USP47: variants seen among roughly 807,000 people sequenced by gnomAD.
The protein encoded by USP47 is ubiquitin specific peptidase 47, also known as ubiquitin carboxyl-terminal hydrolase 47.
Under a neutral mutation model 165.1 loss-of-function variants are expected in USP47, and 35 were observed. That is an observed-to-expected ratio of 0.21 (90% CI 0.16 to 0.28). USP47 has a LOEUF of 0.28. Among genes scored for constraint, USP47 ranks in the 10% least tolerant of loss-of-function variants. The probability of loss-of-function intolerance (pLI) is 1.00; values close to 1 mark genes in which losing one functional copy is unlikely to be tolerated. For synonymous variants in USP47, 531 were observed against 544.5 expected, an observed-to-expected ratio of 0.98 and a Z score of 0.35; for missense variants, 1,277 against 1,607.4, an observed-to-expected ratio of 0.79 and a Z score of 3.52.
At chr11:11,909,851 G>C (rs75291322) in intron 8 of USP47, among the ~76,000 whole-genome samples, 1 of 152,144 alleles carries the variant, frequency 6.6e-6, no homozygotes, top group African/African-American at 2.4e-5. Flanking sequence ...TGTGAAATTA[G>C]TAAGTGTGAA....
intron 18 of USP47, among the ~76,000 whole-genome samples, chr11:11,939,826 T>C (rs1855342189): frequency 6.6e-6 from 1 of 152,048 alleles, no homozygotes; most frequent in Non-Finnish European, 1.5e-5. Context: ...ATTAGGTATT[T>C]ATAACTGATG....
Position 11,843,217 on chromosome 11 carries a change from T to G in USP47, c.39+993T>G, listed in dbSNP as rs372258276. 2.0e-4 allele frequency among the ~76,000 whole-genome samples: 31 copies of G among 152,342 alleles called. No individual in the cohort carries two copies. The East Asian group carries it at 5.0e-3, about 25-fold the overall frequency. ...ATTTTTTTGTGCCTGTTTTACTTGT[T>G]TTGTAGCAATTCTTTGTTACTTAAG... is the stretch of plus-strand genomic sequence containing the variant. On this transcript the variant is annotated intron_variant, in intron 1 of 27. Coordinates refer to ENST00000527733, the MANE Select transcript of USP47 (RefSeq NM_001282659.2).
chr11:11,920,310 G>C, intron 9 of USP47, 32 bp from the exon 10 acceptor site: 4 of 1,606,798 alleles, frequency 2.5e-6, no homozygotes, highest in Non-Finnish European at 3.4e-6. Flanking sequence ...ATATTCAATA[G>C]ACTCTCCCCC....
chr11:11,849,402 T>C (rs1244069511), intron 1 of USP47, among the ~76,000 whole-genome samples: 2 of 152,168 alleles, frequency 1.3e-5, no homozygotes, highest in African/African-American at 2.4e-5. Context: ...TGCGGGTGTG[T>C]GCTACTGACA....
intron 10 of USP47, among the ~76,000 whole-genome samples, chr11:11,922,208 A>T (rs1444787372): frequency 6.6e-6 from 1 of 151,984 alleles, no homozygotes; most frequent in African/African-American, 2.4e-5. Flanking sequence ...TGTAACCATT[A>T]TATTTCTACT....
intron 2 of USP47, among the ~76,000 whole-genome samples, chr11:11,883,739 T>C (rs1850980773): frequency 6.6e-6 from 1 of 152,130 alleles, no homozygotes; most frequent in Non-Finnish European, 1.5e-5. Flanking sequence ...ATCCACCAGC[T>C]AGAGTATATT....
intron 6 of USP47, 101 bp downstream of exon 6, chr11:11,902,961 C>T: frequency 2.4e-6 from 3 of 1,246,496 alleles, no homozygotes; most frequent in Non-Finnish European, 3.2e-6. Flanking sequence ...TTATCTTAAA[C>T]CTTTCATTGC....
chr11:11,913,274 A>C (rs1853147800), intron 8 of USP47, among the ~76,000 whole-genome samples: 1 of 150,986 alleles, frequency 6.6e-6, no homozygotes, highest in African/African-American at 2.4e-5. Context: ...AAAAAAAAAA[A>C]AAACAACACC....
At chr11:11,892,358 CTTTT>C (rs1026050800) in intron 4 of USP47, among the ~76,000 whole-genome samples, 22 of 142,584 alleles carry the variant, frequency 1.5e-4, no homozygotes, top group African/African-American at 5.8e-4. Context: ...TTAAGGAAGA[CTTTT>C]CTTTTCTTTT....
intron 17 of USP47, 47 bp downstream of exon 17, chr11:11,936,557 C>T: frequency 2.1e-6 from 3 of 1,402,902 alleles, no homozygotes; most frequent in Non-Finnish European, 1.9e-6. Context: ...TTAGAATTTT[C>T]ATGAGAAAGT....
chr11:11,912,895 CA>C (rs1853104723), intron 8 of USP47, among the ~76,000 whole-genome samples: 1 of 151,556 alleles, frequency 6.6e-6, no homozygotes, highest in Non-Finnish European at 1.5e-5. Context: ...ATTAACGAGC[CA>C]AAAAAGAAAA....
intron 15 of USP47, 71 bp downstream of exon 15, chr11:11,933,187 C>T: frequency 8.4e-7 from 1 of 1,187,700 alleles, no homozygotes; most frequent in Non-Finnish European, 1.2e-6. Flanking sequence ...ATTCTAATGA[C>T]TAACTCATTG....
intron 17 of USP47, 141 bp from the exon 18 acceptor site, chr11:11,938,116 A>T (rs1040384541): frequency 3.1e-6 from 2 of 637,830 alleles, no homozygotes; most frequent in Non-Finnish European, 5.3e-6. Context: ...CTGGTGATTT[A>T]TATTTATTCA....
intron 6 of USP47, among the ~76,000 whole-genome samples, 166 bp from the exon 7 acceptor site, chr11:11,903,097 G>A (rs550339688): frequency 1.8e-4 from 28 of 152,168 alleles, no homozygotes; most frequent in Middle Eastern, 6.8e-3. Context: ...ATTTTCTGGC[G>A]TGTGATTTCC....
intron 1 of USP47, among the ~76,000 whole-genome samples, chr11:11,876,027 A>C (rs1850394467): frequency 6.6e-6 from 1 of 152,216 alleles, no homozygotes; most frequent in Non-Finnish European, 1.5e-5. Context: ...ACTGCTGTTG[A>C]CTTTCCCCTT....
intron 16 of USP47, among the ~76,000 whole-genome samples, chr11:11,936,034 A>G (rs939549780): frequency 6.6e-6 from 1 of 151,874 alleles, no homozygotes; most frequent in African/African-American, 2.4e-5. Context: ...CCTAAAGTTT[A>G]TGATGTTAAC....
At chr11:11,895,079 A>C (rs1293029055) in intron 4 of USP47, among the ~76,000 whole-genome samples, 1 of 152,168 alleles carries the variant, frequency 6.6e-6, no homozygotes, top group Non-Finnish European at 1.5e-5. Context: ...TCAGATATTT[A>C]AATTGTAATT....
intron 4 of USP47, among the ~76,000 whole-genome samples, chr11:11,893,266 G>A (rs1444704584): frequency 1.3e-5 from 2 of 152,018 alleles, no homozygotes; most frequent in East Asian, 3.9e-4. Context: ...AAATGAAAAC[G>A]GGTTCAGAGA....
rs71037046 is a variant in USP47, at chr11:11,871,501, C to CAAAAAAAA, written c.40-8646_40-8639dup. Among the ~76,000 whole-genome samples the CAAAAAAAA allele has an allele frequency of 1.6e-3, 100 of 63,144 alleles. 10 individuals carry two copies. The highest frequency in any genetic ancestry group is 2.7e-3 in the Non-Finnish European group (81 of 29,780). 41.4% of individuals were successfully genotyped at this position (63,144 alleles called of 152,430 possible). ...CTGGCAACAGAGCGAAACTCCCTCTCAAAAAAAAAAAAAAAAAAAAAAAAA... is the reference window on the plus strand; with the variant it reads ...CTGGCAACAGAGCGAAACTCCCTCTCAAAAAAAAAAAAAAAAAAAAAAAAAAAAAAAAA... On this transcript the variant is annotated intron_variant, in intron 1 of 27. Coordinates refer to ENST00000527733, the MANE Select transcript of USP47 (RefSeq NM_001282659.2).
Sources: allele counts gnomAD v4.1 joint callset (sites outside exome capture counted in the v4.1 genomes callset), GRCh38; gene constraint gnomAD v4.1.1; transcripts MANE v1.5; gene names NCBI Gene and HGNC (gene_info 2026-07-23, HGNC 2026-07-21).